SRPX: variants seen among roughly 807,000 people sequenced by gnomAD.
SRPX encodes sushi repeat containing protein X-linked.
SRPX carries 24 observed loss-of-function variants against 38.1 expected under a neutral mutation model. The ratio of observed to expected loss-of-function variants is 0.63; its 90% CI spans 0.46 to 0.89. The LOEUF (loss-of-function observed/expected upper bound fraction) is 0.89. Among genes scored for constraint, SRPX ranks in the 40% least tolerant of loss-of-function variants. The pLI, the probability that SRPX is intolerant of heterozygous loss-of-function variation, is 0.00. For synonymous variants in SRPX, 184 were observed against 153.8 expected (o/e 1.20, Z -1.45); for missense variants, 416 against 377.8 (o/e 1.10, Z -0.84).
At chrX:38,194,935 C>T (rs778625457) in intron 1 of SRPX, among the ~76,000 whole-genome samples, 24 of 91,473 alleles carry the variant, frequency 2.6e-4, no homozygotes, top group Admixed American at 8.4e-4. Flanking sequence ...TGCAGTGGCG[C>T]GATCTTGGCT....
At chrX:38,166,637 G>A (rs181355846) in intron 4 of SRPX, among the ~76,000 whole-genome samples, 1 of 111,901 alleles carries the variant, frequency 8.9e-6, no homozygotes, top group Non-Finnish European at 1.9e-5. Context: ...TAATTCAGAT[G>A]AACATTTCAC....
chrX:38,178,659 C>T (rs1423032989), intron 1 of SRPX, among the ~76,000 whole-genome samples: 2 of 111,815 alleles, frequency 1.8e-5, no homozygotes, highest in Non-Finnish European at 3.8e-5. Context: ...GTATATGAAT[C>T]TCATGCCAGG....
chrX:38,153,102 G>A (rs1938047821), intron 9 of SRPX, among the ~76,000 whole-genome samples: 1 of 111,429 alleles, frequency 9.0e-6, no homozygotes, highest in African/African-American at 3.3e-5. Flanking sequence ...GCTAGGTACT[G>A]AGTAGCCAAT....
At chrX:38,210,558 C>T (rs1419458350) in intron 1 of SRPX, among the ~76,000 whole-genome samples, 1 of 111,970 alleles carries the variant, frequency 8.9e-6, no homozygotes, top group Non-Finnish European at 1.9e-5. Flanking sequence ...AGACTGCTGT[C>T]TAGAAATCCA....
intron 6 of SRPX, among the ~76,000 whole-genome samples, chrX:38,160,576 TAGG>T (rs1602439920): frequency 1.8e-5 from 2 of 111,654 alleles, no homozygotes; most frequent in African/African-American, 6.5e-5. Flanking sequence ...TGGCCCAAAT[TAGG>T]GGGCTCCTAT....
At position 38,174,172 on chromosome X, in the gene SRPX, C is replaced by A. The variant is rs149885497; in HGVS notation, c.337G>T (p.Val113Phe). 7.1e-5 allele frequency: 78 copies of A among 1,101,298 alleles called. No individual in the cohort carries two copies. Among genetic ancestry groups the A allele is most frequent in the Non-Finnish European group, 8.9e-5 (75 of 840,485 alleles). 90.8% of individuals were successfully genotyped at this position (1,101,298 alleles called of 1,213,427 possible). The change falls in exon 3 of 10, where the codon GTC becomes TTC. Residue 113 changes from valine (V) to phenylalanine (F), a missense_variant. Coordinates refer to ENST00000378533, the MANE Select transcript of SRPX (RefSeq NM_006307.5). The stretch of plus-strand genomic sequence containing the variant: ...CTGGCCTACTCACGTTTGCAGATGA[C>A]CTTGTCAGACCATCGTTTGTTTGAC... ...CQSNKRWSDK[V>F]ICKQKRCPTL...
At chrX:38,194,408 T>C (rs1375420109) in intron 1 of SRPX, among the ~76,000 whole-genome samples, 4 of 112,362 alleles carry the variant, frequency 3.6e-5, no homozygotes, top group African/African-American at 1.3e-4. Context: ...TGTTGAGCAA[T>C]GGAAATACAC....
chrX:38,181,385 A>G (rs1383106990), intron 1 of SRPX, among the ~76,000 whole-genome samples: 4 of 112,326 alleles, frequency 3.6e-5, no homozygotes, highest in Non-Finnish European at 5.6e-5. Context: ...CCTTATCCCT[A>G]GGTTGTGAAA....
intron 1 of SRPX, among the ~76,000 whole-genome samples, chrX:38,188,262 T>C (rs1024108604): frequency 3.6e-5 from 4 of 112,192 alleles, no homozygotes; most frequent in Non-Finnish European, 7.5e-5. Flanking sequence ...TTACCAGTGC[T>C]TTTCTTGTGG....
chrX:38,182,292 C>T (rs1263634157), intron 1 of SRPX, among the ~76,000 whole-genome samples: 3 of 112,084 alleles, frequency 2.7e-5, no homozygotes, highest in African/African-American at 9.7e-5. Flanking sequence ...CTGCCTTCTG[C>T]GCCTACAATT....
At chrX:38,179,973 A>G (rs924818024) in intron 1 of SRPX, among the ~76,000 whole-genome samples, 1 of 111,388 alleles carries the variant, frequency 9.0e-6, no homozygotes, top group Non-Finnish European at 1.9e-5. Flanking sequence ...AATGAAAACC[A>G]GGAAACCTAC....
chrX:38,197,716 A>G (rs1437504957), intron 1 of SRPX, among the ~76,000 whole-genome samples: 1 of 112,536 alleles, frequency 8.9e-6, no homozygotes, highest in Non-Finnish European at 1.9e-5. Context: ...TAAACTTTAG[A>G]TTTGTAGCCT....
chrX:38,186,233 G>T (rs1023176376), intron 1 of SRPX, among the ~76,000 whole-genome samples: 1 of 110,692 alleles, frequency 9.0e-6, no homozygotes, highest in Non-Finnish European at 1.9e-5. Context: ...CTGTGGAGTG[G>T]CCCATGTGTT....
chrX:38,218,217 GGCC>G (rs1939450677), intron 1 of SRPX, among the ~76,000 whole-genome samples: 1 of 112,342 alleles, frequency 8.9e-6, no homozygotes, highest in Non-Finnish European at 1.9e-5. Flanking sequence ...CTTTCTTAGA[GGCC>G]ATGGTACTCA....
At chrX:38,220,646 C>CG (rs1234482954) in intron 1 of SRPX, 50 bp downstream of exon 1, 3 of 1,180,741 alleles carry the variant, frequency 2.5e-6, no homozygotes, top group East Asian at 6.3e-5. Flanking sequence ...ACGGCGACTC[C>CG]GGGGGTCTTT....
intron 4 of SRPX, among the ~76,000 whole-genome samples, chrX:38,166,192 G>A (rs764051089): frequency 4.4e-5 from 5 of 112,399 alleles, no homozygotes; most frequent in Non-Finnish European, 5.6e-5. Flanking sequence ...ATGTCTTTGA[G>A]AGACTAAATG....
In SRPX at chrX:38,174,247, G is replaced by C. The variant is rs376876804; in HGVS notation, c.262C>G (p.Arg88Gly). 2 of 1,167,066 alleles carry C rather than the reference G, an allele frequency of 1.7e-6. No homozygotes were observed. The highest frequency in any genetic ancestry group is 2.5e-4 in the Middle Eastern group (1 of 4,020). Residue 88 changes from arginine (R) to glycine (G), a missense_variant, in exon 3 of 10, where the codon CGC becomes GGC. Arg to Gly is a moderately radical substitution (Grantham distance 125). Transcript: ENST00000378533. The part of the protein sequence containing the change: ...KTALGTRCDI[R>G]CQKGYELHGS... Reference sequence around the variant, plus strand: ...TGCAGCTCGTAGCCCTTCTGGCAGCGAATGTCGCACCTGGTTCCCAGGGCT... The same window carrying C: ...TGCAGCTCGTAGCCCTTCTGGCAGCCAATGTCGCACCTGGTTCCCAGGGCT...
intron 9 of SRPX, 82 bp from the exon 10 acceptor site, chrX:38,149,976 G>T: frequency 1.1e-6 from 1 of 870,303 alleles, no homozygotes; most frequent in Non-Finnish European, 1.6e-6. Context: ...GCCTTACTGT[G>T]ACAGTGTGCA....
rs770241805 is a variant in SRPX at position 38,153,727 on chromosome X, C to A, written c.1211+735G>T. 8.1e-5 allele frequency among the ~76,000 whole-genome samples: 9 copies of A among 111,480 alleles called. No individual in the cohort carries two copies. In the East Asian group the frequency reaches 2.5e-3, roughly 31 times the overall value. On this transcript the variant is annotated intron_variant, in intron 9 of 9. Transcript: ENST00000378533. ...CTCTCTTTCCCCACTTTTGCAGAAG[C>A]CTGAAAGCCACGTGTTCGAGATGTT...
Sources: allele counts gnomAD v4.1 joint callset (sites outside exome capture counted in the v4.1 genomes callset), GRCh38; gene constraint gnomAD v4.1.1; transcripts MANE v1.5; gene names NCBI Gene and HGNC (gene_info 2026-07-23, HGNC 2026-07-21).